Variants in ARK2N observed in about 807,000 individuals in gnomAD.
The protein encoded by ARK2N is arkadia (RNF111) N-terminal like PKA signaling regulator 2N, also known as protein ARK2N.
the ARK2N span, chr18:46,218,806 A>G: frequency 6.6e-6 from 1 of 152,254 alleles, no homozygotes; most frequent in South Asian, 2.1e-4. Context: ...AACTGACTTG[A>G]GTTCAACAAC....
At chr18:46,225,712 A>C in the ARK2N span, among the ~76,000 whole-genome samples, 1 of 152,104 alleles carries the variant, frequency 6.6e-6, no homozygotes, top group African/African-American at 2.4e-5. Context: ...CGCCCACCTT[A>C]GCCTCCCAAA....
chr18:46,235,514 T>A, the ARK2N span, among the ~76,000 whole-genome samples: 1 of 152,244 alleles, frequency 6.6e-6, no homozygotes, highest in East Asian at 1.9e-4. Flanking sequence ...TTTGTTAACG[T>A]CTTCTTTAAC....
chr18:46,194,884 A>G, the ARK2N span, among the ~76,000 whole-genome samples: 1 of 144,474 alleles, frequency 6.9e-6, no homozygotes, highest in Non-Finnish European at 1.5e-5. Context: ...ACTCACTGCA[A>G]CCTCCACCTC....
chr18:46,204,687 G>A, the ARK2N span, among the ~76,000 whole-genome samples: 1 of 152,142 alleles, frequency 6.6e-6, no homozygotes, highest in Non-Finnish European at 1.5e-5. Context: ...AATGCTAGCA[G>A]TTAGAATACC....
the ARK2N span, among the ~76,000 whole-genome samples, chr18:46,221,639 T>A: frequency 1.3e-5 from 2 of 152,154 alleles, no homozygotes; most frequent in African/African-American, 2.4e-5. Flanking sequence ...CTATTTGTAT[T>A]CCTTTGGTAA....
chr18:46,207,958 A>C, the ARK2N span, among the ~76,000 whole-genome samples: 1 of 152,180 alleles, frequency 6.6e-6, no homozygotes, highest in Non-Finnish European at 1.5e-5. Context: ...TTCCTTGCAT[A>C]CACTCTTGCT....
the ARK2N span, among the ~76,000 whole-genome samples, chr18:46,240,846 GTCT>G: frequency 6.6e-6 from 1 of 152,164 alleles, no homozygotes; most frequent in East Asian, 1.9e-4. Context: ...ATACCTCCAA[GTCT>G]TCTTCAATAT....
chr18:46,214,661 ATCAC>A, the ARK2N span, among the ~76,000 whole-genome samples: 1 of 152,230 alleles, frequency 6.6e-6, no homozygotes, highest in African/African-American at 2.4e-5. Context: ...TTGGAGTTGT[ATCAC>A]TCACAGTGGT....
At chr18:46,238,831 A>G in the ARK2N span, among the ~76,000 whole-genome samples, 1 of 152,302 alleles carries the variant, frequency 6.6e-6, no homozygotes, top group East Asian at 1.9e-4. Context: ...GTAATACTTC[A>G]TTGTGTTACA....
the ARK2N span, among the ~76,000 whole-genome samples, chr18:46,252,140 C>T: frequency 1.3e-5 from 2 of 151,674 alleles, 1 homozygote; most frequent in South Asian, 4.2e-4. Flanking sequence ...CTGCAGTGAG[C>T]CGAGATTGTG....
the ARK2N span, among the ~76,000 whole-genome samples, chr18:46,181,466 A>C: frequency 1.5e-5 from 2 of 136,548 alleles, no homozygotes; most frequent in African/African-American, 3.3e-5. Context: ...CTGTAATCCC[A>C]GCACTTTGGG....
chr18:46,202,619 C>T, the ARK2N span, among the ~76,000 whole-genome samples: 1 of 152,100 alleles, frequency 6.6e-6, no homozygotes, highest in Middle Eastern at 3.4e-3. Flanking sequence ...GAAACCCCGT[C>T]TCTACTAAAA....
the ARK2N span, among the ~76,000 whole-genome samples, chr18:46,183,428 A>C: frequency 6.6e-6 from 1 of 152,308 alleles, no homozygotes; most frequent in East Asian, 1.9e-4. Flanking sequence ...GATGAGGGGA[A>C]TACTTTATAG....
the ARK2N span, among the ~76,000 whole-genome samples, chr18:46,210,236 TG>T: frequency 6.6e-6 from 1 of 152,124 alleles, no homozygotes; most frequent in Non-Finnish European, 1.5e-5. Context: ...ACAGCGGATA[TG>T]GAGAATAGTG....
At chr18:46,237,441 T>A in the ARK2N span, among the ~76,000 whole-genome samples, 1 of 150,496 alleles carries the variant, frequency 6.6e-6, no homozygotes, top group Admixed American at 6.6e-5. Context: ...AGGCTGGAGT[T>A]CAGTGGCACG....
the ARK2N span, among the ~76,000 whole-genome samples, chr18:46,225,759 C>A: frequency 6.6e-6 from 1 of 151,966 alleles, no homozygotes; most frequent in Non-Finnish European, 1.5e-5. Flanking sequence ...CGAGCCCAGC[C>A]CTGATGATGT....
At chr18:46,259,244 T>TTTC in the ARK2N span, among the ~76,000 whole-genome samples, 1 of 125,762 alleles carries the variant, frequency 8.0e-6, no homozygotes, top group Non-Finnish European at 1.6e-5. Context: ...TCTTTCTTTC[T>TTTC]TTTTTTTTTT....
At chr18:46,244,715 C>G in the ARK2N span, among the ~76,000 whole-genome samples, 4 of 144,760 alleles carry the variant, frequency 2.8e-5, no homozygotes, top group Admixed American at 2.9e-4. Flanking sequence ...AATTTTCGTG[C>G]CTCAGCCTCA....
chr18:46,263,904 C>G, the ARK2N span: 268 of 152,734 alleles, frequency 1.8e-3, 2 homozygotes, highest in Non-Finnish European at 1.4e-3. Context: ...AAAAATCTCT[C>G]TCCCTCGCCT....
Sources: allele counts gnomAD v4.1 joint callset (sites outside exome capture counted in the v4.1 genomes callset), GRCh38; gene constraint gnomAD v4.1.1; transcripts MANE v1.5; gene names NCBI Gene and HGNC (gene_info 2026-07-23, HGNC 2026-07-21).